TTC3: variants seen among roughly 807,000 people sequenced by gnomAD.
TTC3 encodes E3 ubiquitin-protein ligase TTC3.
Under a neutral mutation model 249.6 loss-of-function variants are expected in TTC3, and 180 were observed. That is an observed-to-expected ratio of 0.72 (90% CI 0.64 to 0.82). The LOEUF (loss-of-function observed/expected upper bound fraction) is 0.82, where lower values mean the gene tolerates loss of function less well. Among genes scored for constraint, TTC3 ranks in the 40% least tolerant of loss-of-function variants. TTC3 has a pLI of 0.00. For missense variants in TTC3, 2,061 were observed against 2,398.4 expected, an observed-to-expected ratio of 0.86 and a Z score of 2.94; for synonymous variants, 717 against 805.0, an observed-to-expected ratio of 0.89 and a Z score of 1.85.
chr21:37,177,102 G>A lies in TTC3; in HGVS notation c.4617+4358G>A, dbSNP rs117239410. On this transcript the variant is annotated intron_variant, in intron 35 of 45. Coordinates refer to ENST00000355666, the Ensembl canonical transcript of TTC3. ...GCAAGAGCTCTGCAGCATCTTTGCT[G>A]TTCTTGCCTACATATCTGGGTTCAG... Among the ~76,000 whole-genome samples the A allele has an allele frequency of 5.3e-3, 805 of 152,132 alleles. 2 individuals are homozygous for A. The highest frequency in any genetic ancestry group is 9.1e-3 in the Non-Finnish European group (617 of 68,010).
chr21:37,118,170 G>T (rs954247924), intron 11 of TTC3, among the ~76,000 whole-genome samples: 10 of 151,806 alleles, frequency 6.6e-5, no homozygotes, highest in African/African-American at 2.4e-4. Flanking sequence ...ATAAACTTCA[G>T]GAGCAAAAGT....
chr21:37,181,326 C>T (rs2082738075), intron 35 of TTC3, among the ~76,000 whole-genome samples: 1 of 152,210 alleles, frequency 6.6e-6, no homozygotes, highest in Admixed American at 6.5e-5. Context: ...ATCTCCCAGC[C>T]AAAGGGATGG....
chr21:37,152,179 G>A (rs1461192932), intron 26 of TTC3, 150 bp downstream of exon 26: 8 of 1,011,480 alleles, frequency 7.9e-6, no homozygotes, highest in African/African-American at 3.3e-5. Context: ...TCTGTTACTC[G>A]AAGACAGAAT....
At chr21:37,158,510 T>G (rs749454521) in intron 28 of TTC3, among the ~76,000 whole-genome samples, 2 of 152,218 alleles carry the variant, frequency 1.3e-5, no homozygotes, top group Non-Finnish European at 1.5e-5. Context: ...TTATATTTCT[T>G]AAAACTTTTC....
intron 32 of TTC3, among the ~76,000 whole-genome samples, chr21:37,164,906 A>G (rs1466533091): frequency 6.6e-6 from 1 of 152,094 alleles, no homozygotes; most frequent in Non-Finnish European, 1.5e-5. Context: ...TATCCACCAT[A>G]TGGCCCTTTC....
At chr21:37,192,140 T>G in exon 41 of TTC3, 3 of 1,606,650 alleles carry the variant, frequency 1.9e-6, no homozygotes, top group Non-Finnish European at 2.5e-6. Flanking sequence ...ATTAAGGCAA[T>G]TAAAAATGGT....
At chr21:37,185,829 G>A (rs1269214558) in intron 37 of TTC3, 55 bp downstream of exon 37, 11 of 1,071,554 alleles carry the variant, frequency 1.0e-5, no homozygotes, top group Admixed American at 2.7e-5. Context: ...AATGCCAGGA[G>A]TACAAGCACA....
chr21:37,202,406 C>T (rs1192228800), exon 46 of TTC3: 2 of 152,298 alleles, frequency 1.3e-5, no homozygotes, highest in Non-Finnish European at 2.9e-5. Context: ...TTCTGTGAGT[C>T]AGTCAGCGAG....
rs1183575024 is a variant in TTC3 at position 37,166,106 on chromosome 21, C to T, written c.3892C>T (p.Pro1298Ser). The change falls in exon 33 of 46, where the codon CCG (proline) becomes TCG (serine). Residue 1298 changes from proline to serine, a missense_variant. Physicochemically the swap from Pro to Ser is moderately conservative, Grantham distance 74. Transcript: ENST00000355666. ...GCGAGTCTCCTGTAATTCCCCCAAA[C>T]CGGTTCTTGAGGATGTGAAACCAAC... 3.1e-6 allele frequency: 5 copies of T among 1,614,104 alleles called. No individual in the cohort carries two copies. The African/African-American group carries it at 6.7e-5, about 22-fold the overall frequency.
intron 17 of TTC3, among the ~76,000 whole-genome samples, chr21:37,133,800 T>C (rs2077683603): frequency 6.6e-6 from 1 of 152,158 alleles, no homozygotes; most frequent in South Asian, 2.1e-4. Context: ...TAGTCCCAGC[T>C]CCTCAGGAGG....
intron 19 of TTC3, among the ~76,000 whole-genome samples, chr21:37,139,626 A>T (rs2078252587): frequency 6.6e-6 from 1 of 152,170 alleles, no homozygotes; most frequent in African/African-American, 2.4e-5. Context: ...AGTGTCACAG[A>T]TTAATAATGT....
intron 11 of TTC3, among the ~76,000 whole-genome samples, chr21:37,120,475 T>C (rs1231166569): frequency 2.6e-5 from 4 of 152,230 alleles, no homozygotes; most frequent in Non-Finnish European, 5.9e-5. Context: ...TTATTTCTTA[T>C]GCTAGCTGTG....
chr21:37,087,863 G>C lies in TTC3; in HGVS notation c.175G>C (p.Glu59Gln), dbSNP rs142935667. The change falls in exon 3 of 46, where the codon GAG becomes CAG. Residue 59 changes from glutamate (E) to glutamine (Q), a missense_variant. By Grantham distance (29) the Glu-to-Gln change is conservative. This residue lies in a region of TTC3 where 989 missense variants were observed against 1,145.1 expected (regional missense o/e 0.86). Coordinates refer to ENST00000355666, the Ensembl canonical transcript of TTC3. ...GCAATATAAAGATTATATCCAAAGT[G>C]AGAGGAATTTGGGTGAGTACGTTGG... The C allele has an allele frequency of 3.8e-6, 6 of 1,598,760 alleles. No homozygotes were observed. In the African/African-American group the frequency reaches 8.1e-5, roughly 22 times the overall value.
intron 6 of TTC3, among the ~76,000 whole-genome samples, chr21:37,090,969 T>C (rs999822787): frequency 3.9e-5 from 6 of 152,170 alleles, no homozygotes; most frequent in Non-Finnish European, 8.8e-5. Context: ...CACCTTGTTA[T>C]ATTGCACTTG....
At chr21:37,174,666 G>A (rs531194868) in intron 35 of TTC3, among the ~76,000 whole-genome samples, 16 of 152,266 alleles carry the variant, frequency 1.1e-4, no homozygotes, top group Non-Finnish European at 2.1e-4. Context: ...CAGAAAAACA[G>A]GGAAGCTATA....
At chr21:37,093,555 A>G (rs2073573052) in intron 7 of TTC3, among the ~76,000 whole-genome samples, 1 of 152,120 alleles carries the variant, frequency 6.6e-6, no homozygotes. Flanking sequence ...TATTAAATAG[A>G]TTGTAGAAAG....
intron 1 of TTC3, chr21:37,086,235 A>G (rs1169586736): frequency 1.3e-5 from 2 of 152,202 alleles, no homozygotes; most frequent in Non-Finnish European, 2.9e-5. Flanking sequence ...GAAAGAAGAA[A>G]CTTGGTTTAT....
intron 41 of TTC3, among the ~76,000 whole-genome samples, chr21:37,192,781 C>T (rs948504800): frequency 6.6e-6 from 1 of 152,062 alleles, no homozygotes; most frequent in East Asian, 1.9e-4. Flanking sequence ...AGGTATTTGC[C>T]GAATCTTGTT....
intron 1 of TTC3, among the ~76,000 whole-genome samples, chr21:37,079,785 C>T (rs527432049): frequency 2.7e-4 from 41 of 152,076 alleles, no homozygotes; most frequent in African/African-American, 9.6e-4. Context: ...CTGCCCACCT[C>T]GGCCTCCCAA....
Sources: allele counts gnomAD v4.1 joint callset (sites outside exome capture counted in the v4.1 genomes callset), GRCh38; gene constraint gnomAD v4.1.1; regional missense constraint gnomAD v4.1.1; transcripts MANE v1.5; gene names NCBI Gene and HGNC (gene_info 2026-07-23, HGNC 2026-07-21).